Variants in ROR1 observed in about 807,000 individuals in gnomAD.
ROR1 encodes the protein ROR family WNT receptor 1.
A neutral mutation model predicts 78.8 loss-of-function variants in ROR1; 19 were observed. That is an observed-to-expected ratio of 0.24 (90% CI 0.17 to 0.35). The LOEUF is 0.35. Ranked by LOEUF, ROR1 falls within the 10% of genes least tolerant of loss-of-function variation. The pLI is 1.00. For missense variants in ROR1, 917 were observed against 1,177.8 expected, an observed-to-expected ratio of 0.78 and a Z score of 3.24; for synonymous variants, 386 against 433.6, an observed-to-expected ratio of 0.89 and a Z score of 1.36.
chr1:63,844,855 A>G (rs1645071220), intron 1 of ROR1, among the ~76,000 whole-genome samples: 1 of 152,198 alleles, frequency 6.6e-6, no homozygotes. Context: ...TTCTTGTAAG[A>G]TCTTCAATTT....
At chr1:64,039,921 G>A (rs552970272) in intron 2 of ROR1, among the ~76,000 whole-genome samples, 1 of 152,284 alleles carries the variant, frequency 6.6e-6, no homozygotes, top group South Asian at 2.1e-4. Context: ...GCTGCAATGT[G>A]ACCTATAAAG....
chr1:64,140,444 A>G lies in ROR1; in HGVS notation c.928+18A>G, dbSNP rs377198894. The G allele has an allele frequency of 7.1e-5, 115 of 1,608,938 alleles. No homozygotes were observed. The highest frequency in any genetic ancestry group is 9.4e-5 in the Non-Finnish European group (110 of 1,176,362). ...AAATAAAAGTAAGTGGTAGCCCCTG[A>G]CCTTCTGTGCTCTTCTAAGGGTCAG... On this transcript the variant is annotated intron_variant, in intron 6 of 8. Transcript: ENST00000371079.
At chr1:63,915,542 A>G (rs1013109826) in intron 1 of ROR1, among the ~76,000 whole-genome samples, 1 of 152,174 alleles carries the variant, frequency 6.6e-6, no homozygotes, top group African/African-American at 2.4e-5. Flanking sequence ...AGAGAAGGGT[A>G]TGAGACTAAG....
At chr1:64,021,296 C>T (rs1646563558) in intron 2 of ROR1, among the ~76,000 whole-genome samples, 1 of 152,172 alleles carries the variant, frequency 6.6e-6, no homozygotes, top group Non-Finnish European at 1.5e-5. Flanking sequence ...AAAGATCCTT[C>T]CTAGGACTCT....
At chr1:64,122,202 T>C (rs887612425) in intron 4 of ROR1, among the ~76,000 whole-genome samples, 1 of 152,220 alleles carries the variant, frequency 6.6e-6, no homozygotes, top group African/African-American at 2.4e-5. Context: ...TTAAGGAATT[T>C]ACACTGTATC....
chr1:63,945,772 G>C (rs563816615), intron 1 of ROR1, among the ~76,000 whole-genome samples: 1 of 152,272 alleles, frequency 6.6e-6, no homozygotes, highest in African/African-American at 2.4e-5. Flanking sequence ...CATGAGATTT[G>C]TTAAACAAAT....
At chr1:64,061,198 A>G (rs1646914744) in intron 4 of ROR1, among the ~76,000 whole-genome samples, 1 of 152,176 alleles carries the variant, frequency 6.6e-6, no homozygotes, top group Non-Finnish European at 1.5e-5. Context: ...TTTTCTTCAC[A>G]TATTACAAGG....
intron 1 of ROR1, among the ~76,000 whole-genome samples, chr1:63,781,562 G>C (rs962315512): frequency 1.3e-5 from 2 of 152,212 alleles, no homozygotes; most frequent in African/African-American, 4.8e-5. Flanking sequence ...TTATAGGAAA[G>C]AGTTGTGGAA....
chr1:64,125,648 G>A (rs2762841), intron 4 of ROR1, among the ~76,000 whole-genome samples: 101,165 of 151,932 alleles, frequency 0.67, 34,404 homozygotes, highest in East Asian at 0.97. Flanking sequence ...CCTTGGACCC[G>A]CCAGCCCCGA....
At chr1:64,050,804 C>A in intron 4 of ROR1, 88 bp downstream of exon 4, 2 of 1,268,190 alleles carry the variant, frequency 1.6e-6, no homozygotes, top group Non-Finnish European at 2.3e-6. Context: ...CTTCTTAAGC[C>A]AAAATACTGG....
intron 1 of ROR1, among the ~76,000 whole-genome samples, chr1:63,895,136 T>A (rs1022660625): frequency 6.6e-6 from 1 of 152,196 alleles, no homozygotes; most frequent in Non-Finnish European, 1.5e-5. Flanking sequence ...TTTTTAGATA[T>A]AATTTTGTAA....
chr1:64,044,895 G>A (rs1004851573), intron 2 of ROR1, among the ~76,000 whole-genome samples: 2 of 152,136 alleles, frequency 1.3e-5, no homozygotes, highest in Non-Finnish European at 2.9e-5. Flanking sequence ...TGGCACTGGT[G>A]GTGATATTAA....
At chr1:64,018,143 G>A (rs1646536128) in intron 2 of ROR1, among the ~76,000 whole-genome samples, 1 of 152,074 alleles carries the variant, frequency 6.6e-6, no homozygotes, top group South Asian at 2.1e-4. Flanking sequence ...AGGGATCATG[G>A]AAGTCTTTCC....
chr1:63,975,279 G>T (rs1043344185), intron 1 of ROR1, among the ~76,000 whole-genome samples: 4 of 152,160 alleles, frequency 2.6e-5, no homozygotes, highest in Admixed American at 2.0e-4. Flanking sequence ...AATAAAAGTT[G>T]ATTATGTTTT....
intron 2 of ROR1, among the ~76,000 whole-genome samples, chr1:64,014,808 T>A (rs1646507741): frequency 7.6e-6 from 1 of 131,326 alleles, no homozygotes; most frequent in Admixed American, 8.0e-5. Context: ...TTCAAATGGC[T>A]TTCTTTACCA....
intron 1 of ROR1, among the ~76,000 whole-genome samples, chr1:63,950,889 G>T (rs2100469834): frequency 6.6e-6 from 1 of 152,282 alleles, no homozygotes; most frequent in East Asian, 1.9e-4. Flanking sequence ...TTTCATCAAA[G>T]CTATACACCT....
intron 1 of ROR1, among the ~76,000 whole-genome samples, chr1:63,844,229 C>T (rs775072367): frequency 1.3e-5 from 2 of 152,178 alleles, no homozygotes; most frequent in South Asian, 2.1e-4. Context: ...CTCTCTGCCT[C>T]GCACTTTAAG....
intron 4 of ROR1, among the ~76,000 whole-genome samples, chr1:64,072,513 G>A (rs1305619378): frequency 6.6e-6 from 1 of 152,162 alleles, no homozygotes; most frequent in Non-Finnish European, 1.5e-5. Context: ...TGAGACATAA[G>A]GGATTGTGAA....
intron 1 of ROR1, among the ~76,000 whole-genome samples, chr1:63,909,977 A>G (rs889877221): frequency 1.3e-5 from 2 of 152,202 alleles, no homozygotes; most frequent in Non-Finnish European, 2.9e-5. Flanking sequence ...AGTGAGGAAA[A>G]CAGGGAGAAA....
Sources: allele counts gnomAD v4.1 joint callset (sites outside exome capture counted in the v4.1 genomes callset), GRCh38; gene constraint gnomAD v4.1.1; transcripts MANE v1.5; gene names NCBI Gene and HGNC (gene_info 2026-07-23, HGNC 2026-07-21).